Variants in TAFA4 observed in about 807,000 individuals in gnomAD.
TAFA4 encodes the protein TAFA chemokine like family member 4.
In TAFA4, 20 loss-of-function variants were observed where a neutral mutation model predicts 21.1. The observed-to-expected ratio is 0.95, with a 90% CI of 0.67 to 1.38. The LOEUF (loss-of-function observed/expected upper bound fraction) is 1.38, where lower values mean the gene tolerates loss of function less well. Among genes scored for constraint, TAFA4 ranks in the 40% most tolerant of loss-of-function variants. The probability of loss-of-function intolerance (pLI) is 0.00; values close to 1 mark genes in which losing one functional copy is unlikely to be tolerated. For synonymous variants in TAFA4, 71 were observed against 67.4 expected (o/e 1.05, Z -0.26); for missense variants, 211 against 180.9 (o/e 1.17, Z -0.95).
intron 3 of TAFA4, among the ~76,000 whole-genome samples, chr3:68,864,474 T>A (rs1236751124): frequency 2.0e-5 from 3 of 152,296 alleles, no homozygotes; most frequent in Middle Eastern, 3.4e-3. Flanking sequence ...ATGAAGGGAC[T>A]GAAACTCTCA....
At chr3:68,738,964 G>C in intron 5 of TAFA4, 111 bp downstream of exon 5, 1 of 1,462,570 alleles carries the variant, frequency 6.8e-7, no homozygotes, top group Non-Finnish European at 9.2e-7. Context: ...CACTGCCCAA[G>C]CAGGTTTATT....
chr3:68,819,596 A>T (rs1372017458), intron 3 of TAFA4, among the ~76,000 whole-genome samples: 2 of 152,252 alleles, frequency 1.3e-5, no homozygotes, highest in South Asian at 2.1e-4. Context: ...GAACTCAAAC[A>T]ACTCAATAGT....
At chr3:68,840,639 A>G (rs923508) in intron 3 of TAFA4, among the ~76,000 whole-genome samples, 47,108 of 152,098 alleles carry the variant, frequency 0.31, 7,716 homozygotes, top group Non-Finnish European at 0.37. Flanking sequence ...ATACCCAAAG[A>G]CAGAAGCTGG....
intron 1 of TAFA4, chr3:68,916,249 T>G (rs1303290379): frequency 1.3e-5 from 2 of 152,246 alleles, no homozygotes; most frequent in Non-Finnish European, 2.9e-5. Flanking sequence ...AGACTTCAAT[T>G]TATTTGAGAA....
intron 5 of TAFA4, among the ~76,000 whole-genome samples, 182 bp downstream of exon 5, chr3:68,738,893 T>C (rs1440696794): frequency 1.3e-5 from 2 of 152,154 alleles, no homozygotes; most frequent in East Asian, 1.9e-4. Flanking sequence ...TTCTATAAAA[T>C]CTGACACACA....
intron 3 of TAFA4, among the ~76,000 whole-genome samples, chr3:68,760,860 C>T (rs1314900658): frequency 6.6e-6 from 1 of 152,180 alleles, no homozygotes; most frequent in Non-Finnish European, 1.5e-5. Flanking sequence ...ATTTGATGGA[C>T]AAACTTGGTA....
chr3:68,905,152 T>A (rs1157546447), intron 1 of TAFA4, among the ~76,000 whole-genome samples: 1 of 758 alleles, frequency 1.3e-3, no homozygotes, highest in Non-Finnish European at 0.022. Context: ...ATTTCTGCCT[T>A]TTTTTTTTTT....
intron 3 of TAFA4, among the ~76,000 whole-genome samples, chr3:68,865,259 TA>T (rs1004905503): frequency 1.3e-5 from 2 of 152,034 alleles, no homozygotes; most frequent in African/African-American, 4.8e-5. Flanking sequence ...TCCCACAATT[TA>T]TTTTTTTTTT....
intron 1 of TAFA4, among the ~76,000 whole-genome samples, chr3:68,924,524 C>T (rs1290638520): frequency 6.6e-6 from 1 of 152,116 alleles, no homozygotes; most frequent in East Asian, 1.9e-4. Context: ...TTCAGTTTTG[C>T]ACCACGAAAA....
At chr3:68,902,623 C>T (rs527527660) in intron 1 of TAFA4, among the ~76,000 whole-genome samples, 100 of 152,338 alleles carry the variant, frequency 6.6e-4, no homozygotes, top group African/African-American at 2.1e-3. Context: ...CTACCACAGG[C>T]TCCCAAAGTG....
intron 3 of TAFA4, among the ~76,000 whole-genome samples, chr3:68,843,441 T>C (rs1417928423): frequency 1.3e-5 from 2 of 152,256 alleles, no homozygotes; most frequent in Non-Finnish European, 2.9e-5. Flanking sequence ...TGGGGTTTTC[T>C]AAATAGACAA....
At chr3:68,896,204 T>C (rs560700330) in intron 1 of TAFA4, among the ~76,000 whole-genome samples, 7 of 152,258 alleles carry the variant, frequency 4.6e-5, no homozygotes, top group African/African-American at 1.4e-4. Context: ...TTGTAGGCCA[T>C]AGTGTGCTGT....
At chr3:68,882,359 A>C (rs1023638286) in intron 2 of TAFA4, among the ~76,000 whole-genome samples, 1 of 152,076 alleles carries the variant, frequency 6.6e-6, no homozygotes, top group Non-Finnish European at 1.5e-5. Flanking sequence ...ATTGGTTGCC[A>C]ACACATACAA....
At chr3:68,854,265 C>T (rs552274094) in intron 3 of TAFA4, among the ~76,000 whole-genome samples, 2 of 151,990 alleles carry the variant, frequency 1.3e-5, no homozygotes, top group African/African-American at 2.4e-5. Context: ...CAGGAAGGCT[C>T]GTGTGGCTGA....
At chr3:68,740,157 C>T (rs780183433) in intron 4 of TAFA4, among the ~76,000 whole-genome samples, 1 of 152,066 alleles carries the variant, frequency 6.6e-6, no homozygotes, top group Non-Finnish European at 1.5e-5. Flanking sequence ...AGATCCTCAC[C>T]CCAGGATGTT....
chr3:68,908,208 T>G (rs1047379575), intron 1 of TAFA4, among the ~76,000 whole-genome samples: 1 of 152,242 alleles, frequency 6.6e-6, no homozygotes, highest in Non-Finnish European at 1.5e-5. Context: ...CAATTTAGAA[T>G]GTCCCTCTTA....
chr3:68,831,287 G>T (rs1160801553), intron 3 of TAFA4, among the ~76,000 whole-genome samples: 1 of 150,866 alleles, frequency 6.6e-6, no homozygotes, highest in African/African-American at 2.4e-5. Flanking sequence ...CAGTGTCGAT[G>T]GTCTTTACTA....
intron 3 of TAFA4, among the ~76,000 whole-genome samples, chr3:68,873,337 T>TACATACACAC (rs1208450049): frequency 3.7e-5 from 5 of 133,514 alleles, no homozygotes; most frequent in Non-Finnish European, 7.9e-5. Flanking sequence ...CACGCAGACA[T>TACATACACAC]ACACACACAC....
At chr3:68,860,548 A>G (rs2089323187) in intron 3 of TAFA4, among the ~76,000 whole-genome samples, 1 of 152,132 alleles carries the variant, frequency 6.6e-6, no homozygotes, top group African/African-American at 2.4e-5. Flanking sequence ...TTTAAAAATA[A>G]AAACTTTGGA....
Sources: allele counts gnomAD v4.1 joint callset (sites outside exome capture counted in the v4.1 genomes callset), GRCh38; gene constraint gnomAD v4.1.1; transcripts MANE v1.5; gene names NCBI Gene and HGNC (gene_info 2026-07-23, HGNC 2026-07-21).